The following CSMD1 variants were observed in gnomAD, a reference collection of about 807,000 sequenced individuals.
CSMD1 encodes CUB and Sushi multiple domains 1.
In CSMD1, 213 loss-of-function variants were observed where a neutral mutation model predicts 417.5. That is an observed-to-expected ratio of 0.51 (90% confidence interval 0.46 to 0.57). The LOEUF (loss-of-function observed/expected upper bound fraction) is 0.57. Ranked by LOEUF, CSMD1 falls within the 20% of genes least tolerant of loss-of-function variation. The pLI is 0.00. For synonymous variants in CSMD1, 2,862 were observed against 1,736.8 expected (o/e 1.65, Z -16.11); for missense variants, 6,923 against 4,529.7 (o/e 1.53, Z -15.17).
chr8:4,828,707 A>T (rs1585171448), intron 1 of CSMD1, among the ~76,000 whole-genome samples: 2 of 152,132 alleles, frequency 1.3e-5, no homozygotes, highest in African/African-American at 4.8e-5. Flanking sequence ...ACCTGGCATG[A>T]CTTAAAATCC....
At chr8:3,271,175 G>A (rs1012620155) in intron 26 of CSMD1, among the ~76,000 whole-genome samples, 1 of 148,828 alleles carries the variant, frequency 6.7e-6, no homozygotes, top group Non-Finnish European at 1.5e-5. Context: ...GAGAATATGC[G>A]GTGTTTGGTT....
intron 5 of CSMD1, among the ~76,000 whole-genome samples, chr8:3,892,870 G>A (rs929449622): frequency 6.6e-6 from 1 of 151,944 alleles, no homozygotes; most frequent in African/African-American, 2.4e-5. Flanking sequence ...ACACAGAGCA[G>A]GTGAGTGGAG....
At chr8:4,142,478 T>C (rs1399484308) in intron 3 of CSMD1, among the ~76,000 whole-genome samples, 3 of 151,316 alleles carry the variant, frequency 2.0e-5, no homozygotes, top group South Asian at 2.1e-4. Flanking sequence ...CCTTGTTATT[T>C]GCTAAATTCA....
intron 49 of CSMD1, among the ~76,000 whole-genome samples, chr8:3,079,887 T>G (rs1307385819): frequency 6.6e-6 from 1 of 152,162 alleles, no homozygotes; most frequent in Non-Finnish European, 1.5e-5. Flanking sequence ...CATATCCACG[T>G]GCATCCTCTG....
chr8:3,896,007 G>A (rs1218262270), intron 5 of CSMD1, among the ~76,000 whole-genome samples: 1 of 152,204 alleles, frequency 6.6e-6, no homozygotes, highest in Non-Finnish European at 1.5e-5. Flanking sequence ...TCAGTGCAGT[G>A]TGGTTTCTTC....
chr8:3,048,215 G>A (rs947906249), intron 50 of CSMD1, among the ~76,000 whole-genome samples: 1 of 151,988 alleles, frequency 6.6e-6, no homozygotes, highest in Admixed American at 6.6e-5. Context: ...AAATATTCGC[G>A]ACCAACAAGA....
intron 2 of CSMD1, among the ~76,000 whole-genome samples, chr8:4,425,447 T>A (rs543568790): frequency 6.6e-6 from 1 of 151,800 alleles, no homozygotes; most frequent in Non-Finnish European, 1.5e-5. Flanking sequence ...GTGGATCCAA[T>A]TGATCATAAA....
intron 1 of CSMD1, among the ~76,000 whole-genome samples, chr8:4,725,023 T>A (rs1001752309): frequency 2.0e-5 from 3 of 152,170 alleles, no homozygotes; most frequent in African/African-American, 7.2e-5. Flanking sequence ...ACGTTTTAAA[T>A]ATTTATACTT....
chr8:3,451,433 GT>G (rs1200719136), intron 12 of CSMD1, among the ~76,000 whole-genome samples: 4 of 152,134 alleles, frequency 2.6e-5, no homozygotes, highest in Non-Finnish European at 4.4e-5. Flanking sequence ...TTCTTCTAGG[GT>G]TTTTATGGTT....
intron 2 of CSMD1, among the ~76,000 whole-genome samples, chr8:4,488,978 C>A (rs1050973702): frequency 1.3e-5 from 2 of 152,198 alleles, no homozygotes; most frequent in Non-Finnish European, 2.9e-5. Context: ...GTGGCGCGAT[C>A]TTGGCTCACT....
chr8:4,004,885 C>T (rs1408741900), intron 4 of CSMD1, among the ~76,000 whole-genome samples: 1 of 152,100 alleles, frequency 6.6e-6, no homozygotes, highest in Non-Finnish European at 1.5e-5. Flanking sequence ...GCTGGGACTA[C>T]AGGCGCCCGC....
chr8:3,569,310 A>G (rs1351724051), intron 10 of CSMD1, among the ~76,000 whole-genome samples: 1 of 152,212 alleles, frequency 6.6e-6, no homozygotes, highest in African/African-American at 2.4e-5. Context: ...AGATGCTAAG[A>G]TTCCGCAAGT....
At chr8:2,956,615 G>C (rs1004262533) in intron 63 of CSMD1, among the ~76,000 whole-genome samples, 1 of 151,748 alleles carries the variant, frequency 6.6e-6, no homozygotes, top group Non-Finnish European at 1.5e-5. Context: ...CACCATGCCC[G>C]GCTAATTTTT....
chr8:3,374,849 C>A (rs187149160), intron 18 of CSMD1, among the ~76,000 whole-genome samples: 69 of 152,278 alleles, frequency 4.5e-4, no homozygotes, highest in African/African-American at 1.6e-3. Flanking sequence ...CCCATCACTT[C>A]CCCAGACCCT....
At chr8:4,260,989 C>G (rs1344371624) in intron 3 of CSMD1, among the ~76,000 whole-genome samples, 1 of 152,104 alleles carries the variant, frequency 6.6e-6, no homozygotes, top group African/African-American at 2.4e-5. Flanking sequence ...TTGTAAACAA[C>G]GTATCATTCA....
intron 3 of CSMD1, among the ~76,000 whole-genome samples, chr8:4,273,509 A>G (rs1043371024): frequency 6.6e-5 from 10 of 152,180 alleles, no homozygotes; most frequent in African/African-American, 1.9e-4. Context: ...TAAGTAGCAA[A>G]TAAGAATAGA....
At chr8:3,166,444 G>A (rs759588095) in intron 37 of CSMD1, among the ~76,000 whole-genome samples, 1 of 152,146 alleles carries the variant, frequency 6.6e-6, no homozygotes, top group East Asian at 1.9e-4. Context: ...TGAGGCAGGA[G>A]AATCGCTTGA....
chr8:4,055,180 T>C (rs888570427), intron 3 of CSMD1, among the ~76,000 whole-genome samples: 3 of 152,216 alleles, frequency 2.0e-5, no homozygotes, highest in African/African-American at 7.2e-5. Context: ...TCATACGCAG[T>C]CAAGTTAAAA....
chr8:4,100,524 C>G (rs1801252110), intron 3 of CSMD1, among the ~76,000 whole-genome samples: 1 of 152,254 alleles, frequency 6.6e-6, no homozygotes, highest in Admixed American at 6.5e-5. Context: ...AAATGGGTAT[C>G]TTATAGAAGT....
Sources: allele counts gnomAD v4.1 joint callset (sites outside exome capture counted in the v4.1 genomes callset), GRCh38; gene constraint gnomAD v4.1.1; transcripts MANE v1.5; gene names NCBI Gene and HGNC (gene_info 2026-07-23, HGNC 2026-07-21).